The following FN1 variants were observed in gnomAD, a reference collection of about 807,000 sequenced individuals.
FN1 encodes the protein fibronectin 1, also known as fibronectin.
A neutral mutation model predicts 297.3 loss-of-function variants in FN1; 106 were observed. The ratio of observed to expected loss-of-function variants is 0.36; its 90% CI spans 0.30 to 0.42. The LOEUF is 0.42. FN1 is among the 10% of genes least tolerant of loss of function. The pLI, the probability that FN1 is intolerant of heterozygous loss-of-function variation, is 1.00. For missense variants in FN1, 2,690 were observed against 3,124.9 expected (o/e 0.86, Z 3.32); for synonymous variants, 1,149 against 1,152.6 (o/e 1.00, Z 0.06).
chr2:215,428,292 G>A lies in FN1; in HGVS notation c.732C>T (p.Asp244=). Residue 244 remains aspartate, a synonymous_variant, in exon 6 of 46, where the codon GAC becomes GAT. Coordinates refer to ENST00000354785, the MANE Select transcript of FN1 (RefSeq NM_212482.4). ...CTCGATTATCCTTCTTGCTCCAGGT[G>A]TCTCCAATTCTATAGGATGTCCTTG... ...QDTRTSYRIG[D]TWSKKDNRGN... The A allele has an allele frequency of 6.2e-7, 1 of 1,614,094 alleles. No individual in the cohort carries two copies. Among genetic ancestry groups the A allele is most frequent in the African/African-American group, 1.3e-5 (1 of 75,054 alleles).
chr2:215,427,507 T>C (rs1298934142), intron 6 of FN1, among the ~76,000 whole-genome samples: 1 of 152,242 alleles, frequency 6.6e-6, no homozygotes, highest in Admixed American at 6.5e-5. Flanking sequence ...CAAAAATGAT[T>C]AAAACTTGTT....
chr2:215,365,708 T>A, intron 42 of FN1, 78 bp from the exon 43 acceptor site: 1 of 1,382,076 alleles, frequency 7.2e-7, no homozygotes, highest in East Asian at 2.3e-5. Context: ...AACTGGGACG[T>A]GTCACAGGGT....
At chr2:215,397,093 G>T in intron 23 of FN1, 44 bp downstream of exon 23, 1 of 1,187,774 alleles carries the variant, frequency 8.4e-7, no homozygotes, top group Non-Finnish European at 1.3e-6. Flanking sequence ...TTTGTCTTGG[G>T]AAGGTATGGT....
chr2:215,398,006 T>C lies in FN1; in HGVS notation c.3349-158A>G, dbSNP rs544042314. 3.3e-5 allele frequency among the ~76,000 whole-genome samples: 5 copies of C among 152,376 alleles called. No individual in the cohort carries two copies. In the South Asian group the frequency reaches 8.3e-4, roughly 25 times the overall value. On this transcript the variant is annotated intron_variant, in intron 21 of 45. Coordinates refer to ENST00000354785, the MANE Select transcript of FN1 (RefSeq NM_212482.4). ...GATTTGGGGACTCTTTTATATACTTTAGCTGGAAATTCCCCCAGGTGGGGG... is the reference window on the plus strand; with the variant it reads ...GATTTGGGGACTCTTTTATATACTTCAGCTGGAAATTCCCCCAGGTGGGGG...
At chr2:215,433,863 A>G (rs2066973315) in intron 2 of FN1, among the ~76,000 whole-genome samples, 1 of 152,230 alleles carries the variant, frequency 6.6e-6, no homozygotes, top group Non-Finnish European at 1.5e-5. Context: ...GCACTTTGGG[A>G]GGCTGAGGCG....
chr2:215,416,432 C>G (rs1241652308), intron 12 of FN1, among the ~76,000 whole-genome samples: 1 of 152,102 alleles, frequency 6.6e-6, no homozygotes, highest in Non-Finnish European at 1.5e-5. Context: ...TTATGAAGAT[C>G]CTTACAAATG....
In FN1 at chr2:215,394,739, G is replaced by C; in HGVS notation, c.3605-20C>G. On this transcript the variant is annotated intron_variant, in intron 23 of 45. Transcript: ENST00000354785. ...TAATGTCTGGAGAAAAAAGAAAAGG[G>C]AAGTTATTGCACAGAGGATCTGTGA... is the stretch of plus-strand genomic sequence containing the variant. 1.0e-5 allele frequency: 16 copies of C among 1,588,952 alleles called. No individual in the cohort carries two copies. Among genetic ancestry groups the C allele is most frequent in the Non-Finnish European group, 1.4e-5 (16 of 1,157,484 alleles).
chr2:215,371,259 C>T (rs2056020374), intron 40 of FN1, among the ~76,000 whole-genome samples: 1 of 145,084 alleles, frequency 6.9e-6, no homozygotes, highest in Non-Finnish European at 1.5e-5. Context: ...TAGAGCAAGA[C>T]TCCATCTCGG....
At chr2:215,369,698 C>A (rs2106207262) in intron 41 of FN1, among the ~76,000 whole-genome samples, 1 of 152,070 alleles carries the variant, frequency 6.6e-6, no homozygotes, top group East Asian at 1.9e-4. Flanking sequence ...AGTTAATGAT[C>A]TTTTAACCTC....
chr2:215,412,481 G>A (rs2062797606), intron 13 of FN1, among the ~76,000 whole-genome samples: 1 of 152,040 alleles, frequency 6.6e-6, no homozygotes, highest in South Asian at 2.1e-4. Flanking sequence ...CTGTCTCCCA[G>A]GCTGGAGTGC....
At chr2:215,411,900 C>A (rs2106322950) in intron 13 of FN1, among the ~76,000 whole-genome samples, 1 of 152,234 alleles carries the variant, frequency 6.6e-6, no homozygotes, top group Admixed American at 6.5e-5. Flanking sequence ...ATCTCTTGAC[C>A]TCGTGATCCG....
chr2:215,415,284 G>A (rs1441693961), intron 12 of FN1, among the ~76,000 whole-genome samples: 3 of 151,982 alleles, frequency 2.0e-5, no homozygotes, highest in Non-Finnish European at 2.9e-5. Flanking sequence ...ATTGTGAAAC[G>A]ATCCTACAAA....
At position 215,423,392 on chromosome 2, in the gene FN1, T is replaced by C; in HGVS notation, c.1351A>G (p.Asn451Asp). 6.2e-7 allele frequency: 1 copy of C among 1,614,214 alleles called. No individual in the cohort carries two copies. The highest frequency in any genetic ancestry group is 8.5e-7 in the Non-Finnish European group (1 of 1,180,026). ...CCAAACTTCTGGTCGGCATCATAGT[T>C]CTGTGTGGTCCCACACCACTTCATG... is the stretch of plus-strand genomic sequence containing the variant. ...DNMKWCGTTQ[N>D]YDADQKFGFC... Residue 451 changes from asparagine (N) to aspartate (D), a missense_variant, in exon 9 of 46, where the codon AAC becomes GAC. Around this residue, in one of 3 missense-constraint regions of FN1, gnomAD observed 876 missense variants for 1,058.1 expected, o/e 0.83. Coordinates refer to ENST00000354785, the MANE Select transcript of FN1 (RefSeq NM_212482.4).
chr2:215,393,307 G>T, intron 24 of FN1, 104 bp from the exon 25 acceptor site: 1 of 1,110,234 alleles, frequency 9.0e-7, no homozygotes, highest in Non-Finnish European at 1.3e-6. Context: ...TAGTAAAATT[G>T]GTGGAATGTT....
At chr2:215,426,211 C>G (rs1440093694) in intron 6 of FN1, among the ~76,000 whole-genome samples, 1 of 136,230 alleles carries the variant, frequency 7.3e-6, no homozygotes, top group Non-Finnish European at 1.5e-5. Flanking sequence ...TGCAGTGGCG[C>G]AATCTCGGCT....
intron 23 of FN1, 86 bp from the exon 24 acceptor site, chr2:215,394,805 G>A: frequency 9.5e-7 from 1 of 1,047,944 alleles, no homozygotes; most frequent in Non-Finnish European, 1.5e-6. Flanking sequence ...TGGATTCACA[G>A]GGCGGAATGC....
At position 215,425,096 on chromosome 2, in the gene FN1, G is replaced by C; in HGVS notation, c.1034C>G (p.Thr345Arg). The change falls in exon 7 of 46, where the codon ACA (threonine) becomes AGA (arginine). Residue 345 changes from threonine (T) to arginine (R), a missense_variant and splice_region_variant. Physicochemically the swap from Thr to Arg is moderately conservative, Grantham distance 71 (BLOSUM62 -1). This residue lies in a region of FN1 where 876 missense variants were observed against 1,058.1 expected (regional missense o/e 0.83). Transcript: ENST00000354785. ...CLGNGVSCQE[T>R]AVTQTYGGNS... is the part of the protein sequence containing the mutation. ...TTCTTCAAAAAGATAATGCATACCT[G>C]TCTCTTGGCAGCTGACTCCGTTGCC... The C allele has an allele frequency of 6.2e-7, 1 of 1,613,926 alleles. No homozygotes were observed. Among genetic ancestry groups the C allele is most frequent in the Non-Finnish European group, 8.5e-7 (1 of 1,179,832 alleles).
chr2:215,378,386 C>T, intron 34 of FN1, 124 bp from the exon 35 acceptor site: 1 of 697,044 alleles, frequency 1.4e-6, no homozygotes, highest in South Asian at 1.5e-5. Flanking sequence ...GCAAAACCCA[C>T]AACCTTGAAA....
Position 215,383,208 on chromosome 2 carries a change from A to G in FN1, c.5050+120T>C, listed in dbSNP as rs1367912052. 3.0e-6 allele frequency: 3 copies of G among 999,668 alleles called. No individual in the cohort carries two copies. The African/African-American group carries it at 4.8e-5, about 16-fold the overall frequency. 61.9% of individuals were successfully genotyped at this position (999,668 alleles called of 1,614,324 possible). A position where few individuals can be genotyped will look rare whatever the true frequency, so the allele number is the denominator to read the frequency against. ...TTTTTAGTACAGACGGGGTTTCGCC[A>G]TATTGGCCAGGCTGGTCTCGAACTC... On this transcript the variant is annotated intron_variant, in intron 31 of 45. Coordinates refer to ENST00000354785, the MANE Select transcript of FN1 (RefSeq NM_212482.4).
Sources: allele counts gnomAD v4.1 joint callset (sites outside exome capture counted in the v4.1 genomes callset), GRCh38; gene constraint gnomAD v4.1.1; regional missense constraint gnomAD v4.1.1; transcripts MANE v1.5; gene names NCBI Gene and HGNC (gene_info 2026-07-23, HGNC 2026-07-21).